NAALADL2: variants seen among roughly 807,000 people sequenced by gnomAD.
NAALADL2 encodes N-acetylated alpha-linked acidic dipeptidase like 2, also known as inactive N-acetylated-alpha-linked acidic dipeptidase-like protein 2.
NAALADL2 carries 76 observed loss-of-function variants against 87.2 expected under a neutral mutation model. The ratio of observed to expected loss-of-function variants is 0.87; its 90% CI spans 0.72 to 1.05. The LOEUF (loss-of-function observed/expected upper bound fraction) is 1.05, where lower values mean the gene tolerates loss of function less well. Ranked by LOEUF, NAALADL2 falls within the 50% of genes least tolerant of loss-of-function variation. The pLI, the probability that NAALADL2 is intolerant of heterozygous loss-of-function variation, is 0.00. For missense variants in NAALADL2, 1,089 were observed against 945.8 expected (o/e 1.15, Z -1.99); for synonymous variants, 354 against 331.0 (o/e 1.07, Z -0.75).
intron 10 of NAALADL2, among the ~76,000 whole-genome samples, chr3:175,611,735 A>G (rs575932248): frequency 6.6e-6 from 1 of 152,280 alleles, no homozygotes. Flanking sequence ...TACAAAGGAA[A>G]TAGTCTGTTC....
Position 175,045,929 on chromosome 3 carries a change from A to T in NAALADL2, c.44-50861A>T, listed in dbSNP as rs541168472. Among the ~76,000 whole-genome samples the T allele has an allele frequency of 3.3e-5, 5 of 152,276 alleles. No homozygotes were observed. The South Asian group carries it at 6.2e-4, about 19-fold the overall frequency. ...GGAAAGACAGTCTGAAACAAAATTA[A>T]TAAGTGCCTTGCTTCATAAGACATT... On this transcript the variant is annotated intron_variant, in intron 1 of 13. Transcript: ENST00000454872.
chr3:175,474,213 TC>T, intron 9 of NAALADL2, among the ~76,000 whole-genome samples: 1 of 152,296 alleles, frequency 6.6e-6, no homozygotes, highest in African/African-American at 2.4e-5. Flanking sequence ...GAATATCTAA[TC>T]CTTTGTATAG....
intron 2 of NAALADL2, among the ~76,000 whole-genome samples, chr3:175,179,086 A>C (rs1481725321): frequency 6.6e-6 from 1 of 152,052 alleles, no homozygotes; most frequent in Non-Finnish European, 1.5e-5. Context: ...TTTTAATATT[A>C]CATTTTTCTT....
At chr3:174,559,748 AAGGGTGGT>A (rs1285892911) in intron 2 of NAALADL2, among the ~76,000 whole-genome samples, 3 of 152,124 alleles carry the variant, frequency 2.0e-5, no homozygotes, top group Non-Finnish European at 2.9e-5. Flanking sequence ...TCCCTTTTAT[AAGGGTGGT>A]AATTCCATTT....
chr3:174,525,237 C>T (rs993642446), intron 1 of NAALADL2, among the ~76,000 whole-genome samples: 6 of 152,198 alleles, frequency 3.9e-5, no homozygotes, highest in African/African-American at 1.4e-4. Context: ...GTCTTTATGA[C>T]TGTGCTAGTC....
intron 5 of NAALADL2, among the ~76,000 whole-genome samples, chr3:175,370,429 C>T (rs1426269079): frequency 2.6e-5 from 4 of 151,712 alleles, no homozygotes; most frequent in African/African-American, 9.7e-5. Context: ...TCACCATTAA[C>T]TACTGATGCT....
chr3:175,433,633 C>T (rs1485718638), intron 5 of NAALADL2, among the ~76,000 whole-genome samples: 1 of 151,998 alleles, frequency 6.6e-6, no homozygotes, highest in Non-Finnish European at 1.5e-5. Context: ...TTTTGATACA[C>T]TGAAAAATAT....
intron 3 of NAALADL2, among the ~76,000 whole-genome samples, chr3:174,802,646 C>T (rs868121612): frequency 1.4e-4 from 21 of 152,270 alleles, no homozygotes; most frequent in South Asian, 4.1e-4. Flanking sequence ...CACCACCTCC[C>T]GACAGGCCCC....
chr3:174,680,502 G>T (rs1727439850), intron 2 of NAALADL2, among the ~76,000 whole-genome samples: 1 of 151,720 alleles, frequency 6.6e-6, no homozygotes, highest in South Asian at 2.1e-4. Flanking sequence ...TTTTTGTTTT[G>T]TTTTGGCATT....
At chr3:175,338,260 G>A (rs145631565) in intron 5 of NAALADL2, among the ~76,000 whole-genome samples, 6 of 152,166 alleles carry the variant, frequency 3.9e-5, no homozygotes, top group East Asian at 3.9e-4. Flanking sequence ...AAATCCATGC[G>A]ATGGGAAGAA....
intron 11 of NAALADL2, among the ~76,000 whole-genome samples, chr3:175,654,932 CTT>C (rs75686469): frequency 3.9e-4 from 55 of 141,874 alleles, no homozygotes; most frequent in East Asian, 1.2e-3. Flanking sequence ...TGCAAGATAT[CTT>C]TTTTTTTTTT....
At chr3:174,532,724 T>A (rs1321323267) in intron 1 of NAALADL2, among the ~76,000 whole-genome samples, 1 of 152,170 alleles carries the variant, frequency 6.6e-6, no homozygotes, top group Non-Finnish European at 1.5e-5. Context: ...CAGCATCCTT[T>A]TCTTTACTGA....
chr3:175,254,408 A>C (rs1431753915), intron 3 of NAALADL2, among the ~76,000 whole-genome samples: 1 of 152,186 alleles, frequency 6.6e-6, no homozygotes, highest in African/African-American at 2.4e-5. Context: ...GAACATAACT[A>C]TTATATATAT....
chr3:175,597,484 T>C (rs1374443377), intron 10 of NAALADL2, among the ~76,000 whole-genome samples: 1 of 152,024 alleles, frequency 6.6e-6, no homozygotes, highest in Non-Finnish European at 1.5e-5. Context: ...TAACCTTTTA[T>C]AAATAATTTA....
At chr3:174,482,108 CTT>C (rs982182746) in intron 1 of NAALADL2, among the ~76,000 whole-genome samples, 2 of 152,080 alleles carry the variant, frequency 1.3e-5, no homozygotes, top group African/African-American at 4.8e-5. Flanking sequence ...TATATTAACT[CTT>C]TTCTGTCCAA....
intron 2 of NAALADL2, among the ~76,000 whole-genome samples, chr3:174,579,989 T>A (rs915239613): frequency 2.0e-5 from 3 of 152,022 alleles, no homozygotes; most frequent in Non-Finnish European, 4.4e-5. Flanking sequence ...AATAAGAAAT[T>A]GCTATTTTTT....
chr3:174,709,262 T>A (rs1182705571), intron 2 of NAALADL2, among the ~76,000 whole-genome samples: 2 of 152,154 alleles, frequency 1.3e-5, no homozygotes, highest in Non-Finnish European at 2.9e-5. Context: ...GGTAGTTGAA[T>A]ATGGCTCTGA....
chr3:175,597,527 A>G (rs562184752), intron 10 of NAALADL2, among the ~76,000 whole-genome samples: 2 of 152,104 alleles, frequency 1.3e-5, no homozygotes, highest in Non-Finnish European at 1.5e-5. Context: ...TTATCTATAG[A>G]GTGAGAGTCA....
At chr3:175,594,712 T>C (rs1283751957) in intron 10 of NAALADL2, among the ~76,000 whole-genome samples, 1 of 152,168 alleles carries the variant, frequency 6.6e-6, no homozygotes, top group Non-Finnish European at 1.5e-5. Flanking sequence ...TGGTGTGAGA[T>C]GGCATCTCAC....
Sources: allele counts gnomAD v4.1 joint callset (sites outside exome capture counted in the v4.1 genomes callset), GRCh38; gene constraint gnomAD v4.1.1; transcripts MANE v1.5; gene names NCBI Gene and HGNC (gene_info 2026-07-23, HGNC 2026-07-21).